GALNTL6: variants seen among roughly 807,000 people sequenced by gnomAD.
The protein encoded by GALNTL6 is polypeptide N-acetylgalactosaminyltransferase-like 6.
In GALNTL6, 46 loss-of-function variants were observed where a neutral mutation model predicts 73.7. The ratio of observed to expected loss-of-function variants is 0.62; its 90% CI spans 0.49 to 0.80. The LOEUF (loss-of-function observed/expected upper bound fraction) is 0.80. Ranked by LOEUF, GALNTL6 falls within the 30% of genes least tolerant of loss-of-function variation. The pLI is 0.00. For synonymous variants in GALNTL6, 259 were observed against 263.7 expected, an observed-to-expected ratio of 0.98 and a Z score of 0.17; for missense variants, 604 against 755.0, an observed-to-expected ratio of 0.80 and a Z score of 2.34.
At chr4:172,266,673 A>C (rs1174996224) in intron 3 of GALNTL6, among the ~76,000 whole-genome samples, 2 of 151,234 alleles carry the variant, frequency 1.3e-5, no homozygotes, top group Non-Finnish European at 2.9e-5. Flanking sequence ...TAAACAATAA[A>C]AATGATTTTT....
At chr4:172,760,932 C>A (rs572748981) in intron 5 of GALNTL6, among the ~76,000 whole-genome samples, 2 of 152,120 alleles carry the variant, frequency 1.3e-5, no homozygotes, top group South Asian at 4.1e-4. Context: ...CATAAGGAGC[C>A]AATGGATTAA....
chr4:172,001,127 A>G (rs1324773617), intron 2 of GALNTL6, among the ~76,000 whole-genome samples: 2 of 152,200 alleles, frequency 1.3e-5, no homozygotes, highest in African/African-American at 4.8e-5. Context: ...TGATGTATAA[A>G]GAATCTTCGC....
intron 5 of GALNTL6, among the ~76,000 whole-genome samples, chr4:172,489,081 T>TTA (rs1173417212): frequency 6.6e-6 from 1 of 152,234 alleles, no homozygotes; most frequent in Non-Finnish European, 1.5e-5. Flanking sequence ...GCATACCTTA[T>TTA]TATACCAAGT....
chr4:172,199,256 T>A (rs1735878575), intron 2 of GALNTL6, among the ~76,000 whole-genome samples: 1 of 152,186 alleles, frequency 6.6e-6, no homozygotes, highest in Admixed American at 6.5e-5. Context: ...GAATTGTGCC[T>A]ATTTAATAGG....
chr4:171,859,775 T>C (rs1051209311), intron 2 of GALNTL6, among the ~76,000 whole-genome samples: 3 of 152,178 alleles, frequency 2.0e-5, no homozygotes, highest in African/African-American at 7.2e-5. Flanking sequence ...CAGATAAGCA[T>C]GTAGTGACTG....
At chr4:172,946,150 TGA>T (rs1491223812) in intron 9 of GALNTL6, among the ~76,000 whole-genome samples, 9 of 149,320 alleles carry the variant, frequency 6.0e-5, no homozygotes, top group African/African-American at 2.3e-4. Flanking sequence ...TGTGTGTGTG[TGA>T]AGAAAGAGGA....
chr4:172,307,089 A>G (rs190821315), intron 3 of GALNTL6, among the ~76,000 whole-genome samples: 28 of 152,296 alleles, frequency 1.8e-4, no homozygotes, highest in Admixed American at 3.9e-4. Context: ...GCAGTGTAAA[A>G]GTGTTCCTCT....
At chr4:172,407,017 T>C (rs911223534) in intron 5 of GALNTL6, among the ~76,000 whole-genome samples, 4 of 152,034 alleles carry the variant, frequency 2.6e-5, no homozygotes, top group Non-Finnish European at 5.9e-5. Flanking sequence ...TCATTTTAAA[T>C]GGGTCAATTT....
chr4:172,125,613 C>T (rs1329842055), intron 2 of GALNTL6, among the ~76,000 whole-genome samples: 1 of 152,160 alleles, frequency 6.6e-6, no homozygotes, highest in Non-Finnish European at 1.5e-5. Context: ...CCTTCCATCA[C>T]TTATTCAGAC....
chr4:173,031,841 A>G (rs1424473116), intron 12 of GALNTL6, among the ~76,000 whole-genome samples: 1 of 152,186 alleles, frequency 6.6e-6, no homozygotes, highest in Non-Finnish European at 1.5e-5. Flanking sequence ...GACAAATACT[A>G]CTTAAAGGAA....
At chr4:172,205,244 A>T (rs1057449262) in intron 2 of GALNTL6, among the ~76,000 whole-genome samples, 1 of 152,238 alleles carries the variant, frequency 6.6e-6, no homozygotes, top group Non-Finnish European at 1.5e-5. Flanking sequence ...CACAAACAAT[A>T]AAATCAGTTA....
chr4:172,385,979 C>G (rs1448047905), intron 5 of GALNTL6, among the ~76,000 whole-genome samples: 2 of 151,866 alleles, frequency 1.3e-5, no homozygotes, highest in East Asian at 3.9e-4. Context: ...CAATCTAGTT[C>G]ACGTTAATGT....
intron 3 of GALNTL6, among the ~76,000 whole-genome samples, chr4:172,239,721 T>C (rs974290467): frequency 2.6e-5 from 4 of 152,196 alleles, no homozygotes; most frequent in African/African-American, 7.2e-5. Context: ...TGTGGGTGTT[T>C]AGTGTTATAA....
chr4:172,332,683 T>A (rs1050410070), intron 4 of GALNTL6, among the ~76,000 whole-genome samples: 4 of 152,202 alleles, frequency 2.6e-5, no homozygotes, highest in Non-Finnish European at 4.4e-5. Flanking sequence ...TATACTATAT[T>A]TTCATTGTCC....
At chr4:172,556,658 A>C (rs1338216633) in intron 5 of GALNTL6, among the ~76,000 whole-genome samples, 1 of 151,886 alleles carries the variant, frequency 6.6e-6, no homozygotes, top group Non-Finnish European at 1.5e-5. Flanking sequence ...TATTGCTACA[A>C]TTCTCCTAAA....
chr4:171,988,539 G>A (rs571130599), intron 2 of GALNTL6, among the ~76,000 whole-genome samples: 15 of 152,258 alleles, frequency 9.9e-5, no homozygotes, highest in Middle Eastern at 3.4e-3. Context: ...ATAGTGGATT[G>A]TGGAGGGAGG....
chr4:171,833,152 T>C (rs1277017217), intron 2 of GALNTL6, among the ~76,000 whole-genome samples: 1 of 151,808 alleles, frequency 6.6e-6, no homozygotes, highest in African/African-American at 2.4e-5. Context: ...ATCTAGGGTA[T>C]AGTATTAAAA....
intron 5 of GALNTL6, among the ~76,000 whole-genome samples, chr4:172,443,268 C>T (rs66922186): frequency 0.18 from 27,406 of 148,318 alleles, 2,723 homozygotes; most frequent in African/African-American, 0.23. Context: ...TGGTTTCAAG[C>T]GATTCTTCTG....
intron 5 of GALNTL6, among the ~76,000 whole-genome samples, chr4:172,745,518 G>C (rs1480411102): frequency 1.3e-5 from 2 of 151,354 alleles, no homozygotes; most frequent in Admixed American, 6.6e-5. Flanking sequence ...CATCTGACCA[G>C]CAGTGTGAAG....
Sources: gnomAD v4.1 joint callset for allele counts (sites outside exome capture counted in the v4.1 genomes callset) on GRCh38, gnomAD v4.1.1 for gene constraint, MANE v1.5 for transcripts, NCBI Gene and HGNC (gene_info 2026-07-23, HGNC 2026-07-21) for gene names.